ADCY7: variants seen among roughly 807,000 people sequenced by gnomAD.
ADCY7 encodes the protein adenylate cyclase 7, also known as adenylate cyclase type 7.
ADCY7 carries 72 observed loss-of-function variants against 120.6 expected under a neutral mutation model. The observed-to-expected ratio is 0.60, with a 90% CI of 0.49 to 0.73. The LOEUF (loss-of-function observed/expected upper bound fraction) is 0.73. Ranked by LOEUF, ADCY7 falls within the 30% of genes least tolerant of loss-of-function variation. The pLI is 0.00. For missense variants in ADCY7, 1,227 were observed against 1,486.0 expected, an observed-to-expected ratio of 0.83 and a Z score of 2.87; for synonymous variants, 661 against 628.0, an observed-to-expected ratio of 1.05 and a Z score of -0.78.
chr16:50,261,521 C>G (rs146444056), intron 1 of ADCY7, among the ~76,000 whole-genome samples: 1 of 152,168 alleles, frequency 6.6e-6, no homozygotes, highest in Non-Finnish European at 1.5e-5. Context: ...GGGGCAGGCA[C>G]GTCGCAGAGC....
At chr16:50,260,015 T>C (rs1218963015) in intron 1 of ADCY7, among the ~76,000 whole-genome samples, 2 of 152,258 alleles carry the variant, frequency 1.3e-5, no homozygotes, top group African/African-American at 4.8e-5. Context: ...TCCATCGAGC[T>C]GTGCTGCCTC....
intron 1 of ADCY7, among the ~76,000 whole-genome samples, chr16:50,251,521 C>T (rs1307000672): frequency 3.3e-5 from 5 of 152,178 alleles, no homozygotes; most frequent in South Asian, 2.1e-4. Flanking sequence ...AGGCCAGGGC[C>T]GTGGGAGGAG....
intron 21 of ADCY7, among the ~76,000 whole-genome samples, 199 bp from the exon 22 acceptor site, chr16:50,312,691 A>G (rs1321819281): frequency 6.6e-6 from 1 of 152,118 alleles, no homozygotes; most frequent in Non-Finnish European, 1.5e-5. Context: ...AACCAACCTG[A>G]GCCTGACCCT....
At chr16:50,265,613 G>C (rs991850272), upstream of ADCY7, among the ~76,000 whole-genome samples, 3 of 152,240 alleles carry the variant, frequency 2.0e-5, no homozygotes, top group African/African-American at 7.2e-5. Flanking sequence ...CCAGCAACCA[G>C]TGGTCACAGC....
chr16:50,256,761 G>A (rs2032928426), intron 1 of ADCY7, among the ~76,000 whole-genome samples: 3 of 152,114 alleles, frequency 2.0e-5, no homozygotes, highest in Admixed American at 6.6e-5. Flanking sequence ...CTGTTGGTGG[G>A]AATGCAAATT....
chr16:50,304,447 C>T lies in ADCY7; in HGVS notation c.1456C>T (p.Arg486Trp), dbSNP rs755763505. ...GATGCGGGCGTCAGTGCGCATGACC[C>T]GGTACCTCGAGTCCTGGGGGGCGGC... Reference protein sequence around the residue: ...LKMRASVRMTRYLESWGAARP... With the variant: ...LKMRASVRMTWYLESWGAARP... Residue 486 changes from arginine (R) to tryptophan (W), a missense_variant, in exon 11 of 26, where the codon CGG (arginine) becomes TGG (tryptophan). This residue lies in a region of ADCY7 where 332 missense variants were observed against 455.8 expected (regional missense o/e 0.73). Transcript: ENST00000673801. 3.7e-6 allele frequency: 6 copies of T among 1,609,336 alleles called. No individual in the cohort carries two copies. The highest frequency in any genetic ancestry group is 1.1e-5 in the South Asian group (1 of 90,730).
intron 10 of ADCY7, among the ~76,000 whole-genome samples, chr16:50,303,828 C>T (rs113349398): frequency 3.9e-5 from 6 of 152,240 alleles, no homozygotes; most frequent in African/African-American, 7.2e-5. Flanking sequence ...TTTCTCGGGG[C>T]GGCTAGCACC....
At position 50,292,761 on chromosome 16, in the gene ADCY7, T is replaced by G; in HGVS notation, c.623T>G (p.Leu208Arg). The G allele has an allele frequency of 3.7e-6, 6 of 1,613,884 alleles. No individual in the cohort carries two copies. Among genetic ancestry groups the G allele is most frequent in the Non-Finnish European group, 5.1e-6 (6 of 1,179,970 alleles). The change falls in exon 5 of 26, where the codon CTC becomes CGC. Residue 208 changes from leucine to arginine, a missense_variant. Coordinates refer to ENST00000673801, the MANE Select transcript of ADCY7 (RefSeq NM_001114.5). ...CAAATGCAGGATGCATCCCGGGACCTCTTCACCTACACTGTGAAGTGCATC... is the reference window on the plus strand; with the variant it reads ...CAAATGCAGGATGCATCCCGGGACCGCTTCACCTACACTGTGAAGTGCATC... ...KHQMQDASRD[L>R]FTYTVKCIQI...
At chr16:50,290,004 T>C (rs4785402) in intron 2 of ADCY7, among the ~76,000 whole-genome samples, 151,551 of 152,364 alleles carry the variant, frequency 0.99, 75,375 homozygotes, top group Middle Eastern at 1. Context: ...TGCCATTGCC[T>C]CAGCTCCTCC....
intron 1 of ADCY7, among the ~76,000 whole-genome samples, chr16:50,258,597 T>G (rs2032980513): frequency 3.1e-5 from 1 of 31,950 alleles, no homozygotes; most frequent in Non-Finnish European, 8.3e-5. Context: ...AAGGTAGTAT[T>G]TTTTTTTTTT....
chr16:50,306,543 T>C (rs1025923751), intron 14 of ADCY7, among the ~76,000 whole-genome samples: 1 of 123,934 alleles, frequency 8.1e-6, no homozygotes, highest in African/African-American at 3.1e-5. Context: ...CTTCTGGGGC[T>C]GTGATCCTGC....
At chr16:50,249,804 A>G (rs2032700637) in intron 1 of ADCY7, among the ~76,000 whole-genome samples, 1 of 152,166 alleles carries the variant, frequency 6.6e-6, no homozygotes, top group South Asian at 2.1e-4. Context: ...AGGTGTGGGG[A>G]GCGGGCAGCC....
intron 1 of ADCY7, among the ~76,000 whole-genome samples, chr16:50,246,954 G>T (rs1165558630): frequency 6.6e-6 from 1 of 152,218 alleles, no homozygotes; most frequent in Non-Finnish European, 1.5e-5. Flanking sequence ...CGTGGGCGCC[G>T]TGGACAGAAG....
intron 1 of ADCY7, among the ~76,000 whole-genome samples, chr16:50,249,412 C>G (rs562999819): frequency 6.6e-6 from 1 of 152,114 alleles, no homozygotes; most frequent in African/African-American, 2.4e-5. Flanking sequence ...TGCACTCCAG[C>G]TTGCTCTGGG....
rs116609399 is a variant in ADCY7 at position 50,314,038 on chromosome 16, C to T, written c.2832C>T (p.Ser944=). Residue 944 remains serine (S), a synonymous_variant, in exon 23 of 26, where the codon AGC becomes AGT. Transcript: ENST00000673801. ...CGTACATGGCAGCTGCAGGGCTCAGCGTCGCCTCAGGGCACGAGAACCAGG... is the reference window on the plus strand; with the variant it reads ...CGTACATGGCAGCTGCAGGGCTCAGTGTCGCCTCAGGGCACGAGAACCAGG... The part of the protein sequence containing the change: ...GSTYMAAAGL[S]VASGHENQEL... 2,703 of 1,614,120 alleles carry T rather than the reference C, an allele frequency of 1.7e-3. 37 individuals carry two copies. The African/African-American group carries it at 0.03, about 18-fold the overall frequency.
intron 18 of ADCY7, chr16:50,310,382 A>G: frequency 7.2e-7 from 1 of 1,397,530 alleles, no homozygotes; most frequent in Non-Finnish European, 9.8e-7. Context: ...AAGCTCACAA[A>G]AACTCAGGGA....
chr16:50,300,283 G>C (rs8060642), intron 8 of ADCY7, among the ~76,000 whole-genome samples: 104,564 of 151,916 alleles, frequency 0.69, 37,068 homozygotes, highest in Middle Eastern at 0.8. Flanking sequence ...ATTGGCCAGG[G>C]TGGTCTCAAA....
chr16:50,275,526 A>G (rs942243921), intron 1 of ADCY7, among the ~76,000 whole-genome samples: 4 of 152,156 alleles, frequency 2.6e-5, no homozygotes, highest in Admixed American at 2.0e-4. Context: ...GGATGGGGAA[A>G]TGTTCAGCTG....
chr16:50,281,765 A>G (rs1307519654), intron 1 of ADCY7, among the ~76,000 whole-genome samples: 1 of 152,176 alleles, frequency 6.6e-6, no homozygotes, highest in Non-Finnish European at 1.5e-5. Context: ...AATACCAGCA[A>G]CATTGAATCC....
Sources: allele counts gnomAD v4.1 joint callset (sites outside exome capture counted in the v4.1 genomes callset), GRCh38; gene constraint gnomAD v4.1.1; regional missense constraint gnomAD v4.1.1; transcripts MANE v1.5; gene names NCBI Gene and HGNC (gene_info 2026-07-23, HGNC 2026-07-21).